NRG1: variants seen among roughly 807,000 people sequenced by gnomAD.
NRG1 encodes the protein pro-neuregulin-1, membrane-bound isoform.
Under a neutral mutation model 63.8 loss-of-function variants are expected in NRG1, and 18 were observed. The observed-to-expected ratio is 0.28, with a 90% CI of 0.19 to 0.42. NRG1 has a LOEUF of 0.42. Among genes scored for constraint, NRG1 ranks in the 10% least tolerant of loss-of-function variants. NRG1 has a pLI of 1.00. For missense variants in NRG1, 762 were observed against 814.7 expected, an observed-to-expected ratio of 0.94 and a Z score of 0.79; for synonymous variants, 302 against 301.3, an observed-to-expected ratio of 1.00 and a Z score of -0.02.
intron 1 of NRG1, among the ~76,000 whole-genome samples, chr8:32,228,537 T>A (rs753988499): frequency 4.6e-5 from 7 of 152,190 alleles, no homozygotes; most frequent in African/African-American, 7.2e-5. Context: ...GGTGGAATCA[T>A]TTATTAGTTT....
At chr8:32,503,405 G>A (rs527509238) in intron 1 of NRG1, among the ~76,000 whole-genome samples, 11 of 147,836 alleles carry the variant, frequency 7.4e-5, no homozygotes, top group African/African-American at 2.2e-4. Context: ...ATGAATATCC[G>A]TCATTTAACT....
chr8:32,536,964 C>T (rs1182144254), intron 1 of NRG1, among the ~76,000 whole-genome samples: 5 of 142,586 alleles, frequency 3.5e-5, no homozygotes, highest in African/African-American at 1.3e-4. Context: ...GTTTGTCGGC[C>T]AGGTGCAGTG....
rs546136094 is a variant in NRG1, at chr8:32,592,030, AG to A, written c.101-3797del. 2.4e-3 allele frequency among the ~76,000 whole-genome samples: 367 copies of A among 152,188 alleles called. 2 individuals are homozygous for A. The highest frequency in any genetic ancestry group is 8.6e-3 in the African/African-American group (356 of 41,572). Reference sequence around the variant, plus strand: ...ACATACACACGTGCGTATTTAATGAAGCCTAGGTCTTTTATCTAATGGCAGA... The same window carrying A: ...ACATACACACGTGCGTATTTAATGAACCTAGGTCTTTTATCTAATGGCAGA... On this transcript the variant is annotated intron_variant, in intron 1 of 11. Coordinates refer to ENST00000356819, the Ensembl canonical transcript of NRG1.
chr8:32,539,307 G>C (rs969859982), intron 1 of NRG1, among the ~76,000 whole-genome samples: 2 of 152,190 alleles, frequency 1.3e-5, no homozygotes, highest in African/African-American at 4.8e-5. Context: ...AGCTGGGATG[G>C]CTGGGGGTGT....
At chr8:32,156,873 G>T (rs6990772) in intron 1 of NRG1, among the ~76,000 whole-genome samples, 1 of 152,048 alleles carries the variant, frequency 6.6e-6, no homozygotes, top group Non-Finnish European at 1.5e-5. Context: ...GAGGCTGAAG[G>T]CTTCAGTGAG....
intron 1 of NRG1, among the ~76,000 whole-genome samples, chr8:31,924,946 T>C (rs1293577193): frequency 6.6e-6 from 1 of 151,588 alleles, no homozygotes; most frequent in Admixed American, 6.6e-5. Context: ...AGCTTAATTC[T>C]ACCGTGGTCA....
chr8:32,368,047 A>G (rs563573393), intron 1 of NRG1, among the ~76,000 whole-genome samples: 1 of 152,304 alleles, frequency 6.6e-6, no homozygotes, highest in African/African-American at 2.4e-5. Context: ...TTTAAACACC[A>G]ATACCATGCT....
chr8:32,447,986 G>A (rs1210770696), intron 1 of NRG1, among the ~76,000 whole-genome samples: 3 of 152,096 alleles, frequency 2.0e-5, no homozygotes, highest in Non-Finnish European at 4.4e-5. Flanking sequence ...AATTTTTATA[G>A]GTAATCATTA....
At chr8:31,722,214 G>T (rs1169095555) in intron 1 of NRG1, among the ~76,000 whole-genome samples, 1 of 152,036 alleles carries the variant, frequency 6.6e-6, no homozygotes, top group Non-Finnish European at 1.5e-5. Context: ...ACTAGTTTTA[G>T]TTCCCTATAT....
At chr8:32,234,809 T>TC (rs1478380186) in intron 1 of NRG1, among the ~76,000 whole-genome samples, 1 of 152,132 alleles carries the variant, frequency 6.6e-6, no homozygotes, top group East Asian at 1.9e-4. Context: ...GCTTTGATAT[T>TC]ATATTTGCTT....
chr8:32,471,598 A>G (rs1352849309), intron 1 of NRG1, among the ~76,000 whole-genome samples: 1 of 152,186 alleles, frequency 6.6e-6, no homozygotes, highest in Non-Finnish European at 1.5e-5. Context: ...CAATAAACAT[A>G]TTAAACAAAG....
exon 12 of NRG1, chr8:32,766,546 C>G (rs890078982): frequency 1.3e-5 from 2 of 152,072 alleles, no homozygotes; most frequent in South Asian, 2.1e-4. Flanking sequence ...AATTTAAAAC[C>G]CTAAAAATTC....
At position 31,958,144 on chromosome 8, in the gene NRG1, A is replaced by G. The variant is rs150241126; in HGVS notation, c.37+318713A>G. Among the ~76,000 whole-genome samples the G allele has an allele frequency of 5.6e-3, 845 of 152,126 alleles. 10 individuals are homozygous for G. Among genetic ancestry groups the G allele is most frequent in the Non-Finnish European group, 7.9e-3 (536 of 67,952 alleles). ...GTTTGTGTGTGTGTTGTGTGTTTGT[A>G]TCTCTAAGTACATGAAGAATTGGCA... is the stretch of plus-strand genomic sequence containing the variant. On this transcript the variant is annotated intron_variant, in intron 1 of 10. Coordinates refer to the NRG1 transcript ENST00000519301.
chr8:32,505,085 T>C (rs1244835308), intron 1 of NRG1, among the ~76,000 whole-genome samples: 1 of 152,164 alleles, frequency 6.6e-6, no homozygotes, highest in Non-Finnish European at 1.5e-5. Flanking sequence ...TCGGGCATTT[T>C]TGTCTGTTAC....
chr8:32,137,365 C>T (rs767851873), intron 1 of NRG1, among the ~76,000 whole-genome samples: 5 of 152,044 alleles, frequency 3.3e-5, no homozygotes, highest in African/African-American at 4.8e-5. Context: ...TTGCTTGAAC[C>T]CGAGAGGCCA....
rs184119313 is a variant in NRG1, at chr8:31,979,042, T to C, written c.37+339611T>C. On this transcript the variant is annotated intron_variant, in intron 1 of 10. Coordinates refer to the NRG1 transcript ENST00000519301. The stretch of plus-strand genomic sequence containing the variant: ...AAAGTCAGAACTCATTAGCCTGATA[T>C]TCAAGGTCTTCCCAGAGAGGCTCCA... 1.3e-3 allele frequency among the ~76,000 whole-genome samples: 198 copies of C among 152,272 alleles called. 1 individual carries two copies. The highest frequency in any genetic ancestry group is 4.6e-3 in the African/African-American group (191 of 41,582).
intron 1 of NRG1, among the ~76,000 whole-genome samples, chr8:32,423,905 T>A (rs1376072588): frequency 1.3e-5 from 2 of 152,188 alleles, no homozygotes; most frequent in Admixed American, 1.3e-4. Flanking sequence ...CATATTTTCC[T>A]CAAATTCCTT....
chr8:32,220,342 G>A (rs1845681258), intron 1 of NRG1, among the ~76,000 whole-genome samples: 1 of 151,832 alleles, frequency 6.6e-6, no homozygotes, highest in Non-Finnish European at 1.5e-5. Flanking sequence ...GCTTCTGCAG[G>A]TTTTCAATCC....
chr8:32,095,185 C>T (rs1336240066), intron 1 of NRG1, among the ~76,000 whole-genome samples: 3 of 152,202 alleles, frequency 2.0e-5, no homozygotes, highest in Admixed American at 1.3e-4. Flanking sequence ...GCTGGGATTA[C>T]AGGCGTGAGC....
Sources: allele counts gnomAD v4.1 joint callset (sites outside exome capture counted in the v4.1 genomes callset), GRCh38; gene constraint gnomAD v4.1.1; transcripts MANE v1.5; gene names NCBI Gene and HGNC (gene_info 2026-07-23, HGNC 2026-07-21).